Variants in ATP8A1 observed in about 807,000 individuals in gnomAD.
ATP8A1 encodes phospholipid-transporting ATPase IA.
In ATP8A1, 90 loss-of-function variants were observed where a neutral mutation model predicts 177.7. The ratio of observed to expected loss-of-function variants is 0.51; its 90% CI spans 0.43 to 0.60. The LOEUF is 0.60. Ranked by LOEUF, ATP8A1 falls within the 20% of genes least tolerant of loss-of-function variation. The pLI is 0.00. For missense variants in ATP8A1, 1,072 were observed against 1,392.8 expected, an observed-to-expected ratio of 0.77 and a Z score of 3.67; for synonymous variants, 493 against 485.9, an observed-to-expected ratio of 1.01 and a Z score of -0.19.
At position 42,464,875 on chromosome 4, in the gene ATP8A1, G is replaced by A. The variant is rs778535243; in HGVS notation, c.2508+18C>T. ...TTGACTGAGAGGAATGATGTGTTTT[G>A]CAGAAATGACGCTTTACCTGAGCTA... On this transcript the variant is annotated intron_variant, in intron 26 of 36. Transcript: ENST00000381668. 8 of 1,613,328 alleles carry A rather than the reference G, an allele frequency of 5.0e-6. 1 individual carries two copies. The South Asian group carries it at 8.8e-5, about 18-fold the overall frequency.
chr4:42,570,527 A>G (rs1731794903), intron 14 of ATP8A1, among the ~76,000 whole-genome samples: 1 of 152,230 alleles, frequency 6.6e-6, no homozygotes, highest in South Asian at 2.1e-4. Flanking sequence ...ATACCAGGAC[A>G]GGGGATAAAG....
At chr4:42,654,192 C>T (rs907997909) in intron 1 of ATP8A1, among the ~76,000 whole-genome samples, 5 of 152,306 alleles carry the variant, frequency 3.3e-5, no homozygotes, top group Admixed American at 3.3e-4. Flanking sequence ...CTCAGCAGGC[C>T]TTATGTTCAG....
intron 25 of ATP8A1, among the ~76,000 whole-genome samples, chr4:42,472,975 C>A (rs1308189064): frequency 6.6e-6 from 1 of 151,908 alleles, no homozygotes; most frequent in African/African-American, 2.4e-5. Flanking sequence ...AGGGTCTAAA[C>A]GTAAATGGAA....
chr4:42,575,364 T>C (rs1347122549), intron 13 of ATP8A1, among the ~76,000 whole-genome samples: 1 of 152,222 alleles, frequency 6.6e-6, no homozygotes, highest in Non-Finnish European at 1.5e-5. Context: ...ATATGTTGCA[T>C]ACTAGCTTGA....
chr4:42,492,716 G>A (rs779140134), intron 24 of ATP8A1, among the ~76,000 whole-genome samples: 2 of 152,124 alleles, frequency 1.3e-5, no homozygotes, highest in African/African-American at 4.8e-5. Context: ...AGACAATTTC[G>A]TTATTCTTGG....
intron 6 of ATP8A1, among the ~76,000 whole-genome samples, chr4:42,594,110 A>G (rs994325346): frequency 2.6e-5 from 4 of 152,164 alleles, no homozygotes; most frequent in African/African-American, 9.6e-5. Flanking sequence ...CACTTATTCT[A>G]TATGGCAAAC....
At chr4:42,461,856 A>G (rs966296152) in intron 27 of ATP8A1, among the ~76,000 whole-genome samples, 1 of 152,224 alleles carries the variant, frequency 6.6e-6, no homozygotes, top group Admixed American at 6.5e-5. Flanking sequence ...GCTATGGACA[A>G]TAAGATCCAG....
At chr4:42,574,476 T>C (rs919957047) in intron 14 of ATP8A1, 143 bp downstream of exon 14, 2 of 664,700 alleles carry the variant, frequency 3.0e-6, no homozygotes, top group African/African-American at 3.8e-5. Flanking sequence ...TATACATGTG[T>C]CCTAAAATTA....
intron 14 of ATP8A1, among the ~76,000 whole-genome samples, chr4:42,570,512 A>G (rs1473652864): frequency 9.2e-5 from 14 of 152,332 alleles, no homozygotes; most frequent in Admixed American, 7.2e-4. Context: ...ACTAGCCCCA[A>G]TCTCATACCA....
At chr4:42,585,730 A>G (rs1733551169) in intron 9 of ATP8A1, among the ~76,000 whole-genome samples, 1 of 152,022 alleles carries the variant, frequency 6.6e-6, no homozygotes, top group Admixed American at 6.6e-5. Context: ...CCTCCTTAAC[A>G]CCTTAACTGG....
intron 21 of ATP8A1, 83 bp from the exon 22 acceptor site, chr4:42,522,382 CCCA>C: frequency 6.6e-7 from 1 of 1,507,534 alleles, no homozygotes; most frequent in Non-Finnish European, 8.9e-7. Context: ...TTCACAAAGT[CCCA>C]TTTTGAAAAA....
At chr4:42,447,709 G>A (rs922311240) in intron 30 of ATP8A1, among the ~76,000 whole-genome samples, 1 of 152,212 alleles carries the variant, frequency 6.6e-6, no homozygotes, top group Middle Eastern at 3.2e-3. Flanking sequence ...AGTATGGGAT[G>A]AAACACAGAG....
At chr4:42,537,170 C>G (rs186968958) in intron 20 of ATP8A1, among the ~76,000 whole-genome samples, 7 of 150,466 alleles carry the variant, frequency 4.7e-5, no homozygotes, top group African/African-American at 1.2e-4. Flanking sequence ...AAAACCCCCA[C>G]GTGATCATCT....
intron 33 of ATP8A1, among the ~76,000 whole-genome samples, chr4:42,431,734 G>T (rs991137344): frequency 2.6e-4 from 40 of 152,124 alleles, no homozygotes; most frequent in African/African-American, 9.6e-4. Flanking sequence ...CTTCAGAGAT[G>T]ATTTGTACCA....
intron 5 of ATP8A1, among the ~76,000 whole-genome samples, chr4:42,610,660 C>T (rs1328715259): frequency 6.6e-6 from 1 of 151,626 alleles, no homozygotes; most frequent in Non-Finnish European, 1.5e-5. Flanking sequence ...AGAGCTACTG[C>T]TGAAGACATC....
At chr4:42,485,726 G>T in intron 24 of ATP8A1, 58 bp from the exon 25 acceptor site, 1 of 1,439,358 alleles carries the variant, frequency 6.9e-7, no homozygotes, top group Non-Finnish European at 9.4e-7. Flanking sequence ...GTTCTACTAG[G>T]ATGCCTTAAG....
At chr4:42,471,018 G>A (rs887110673) in intron 25 of ATP8A1, among the ~76,000 whole-genome samples, 1 of 152,034 alleles carries the variant, frequency 6.6e-6, no homozygotes, top group Non-Finnish European at 1.5e-5. Context: ...ACTAAAATTT[G>A]GCAGGTTCAT....
At chr4:42,538,407 G>C (rs541818765) in intron 20 of ATP8A1, among the ~76,000 whole-genome samples, 8 of 152,204 alleles carry the variant, frequency 5.3e-5, no homozygotes, top group African/African-American at 1.9e-4. Context: ...CAAAGACAAA[G>C]ATAAATAGAT....
chr4:42,439,066 T>TTAA (rs59176527), intron 33 of ATP8A1, among the ~76,000 whole-genome samples: 149,887 of 152,214 alleles, frequency 0.98, 73,829 homozygotes, highest in East Asian at 1. Context: ...AAAGTCCTGA[T>TTAA]TGTGTGAATC....
Sources: allele counts gnomAD v4.1 joint callset (sites outside exome capture counted in the v4.1 genomes callset), GRCh38; gene constraint gnomAD v4.1.1; transcripts MANE v1.5; gene names NCBI Gene and HGNC (gene_info 2026-07-23, HGNC 2026-07-21).